Variants in ERC2 observed in about 807,000 individuals in gnomAD.
The protein encoded by ERC2 is ERC protein 2.
A neutral mutation model predicts 114.8 loss-of-function variants in ERC2; 42 were observed. The observed-to-expected ratio is 0.37, with a 90% confidence interval of 0.29 to 0.47. The LOEUF (loss-of-function observed/expected upper bound fraction) is 0.47. Among genes scored for constraint, ERC2 ranks in the 20% least tolerant of loss-of-function variants. The pLI is 0.99. For missense variants in ERC2, 939 were observed against 1,150.7 expected (o/e 0.82, Z 2.66); for synonymous variants, 454 against 425.5 (o/e 1.07, Z -0.82).
chr3:56,325,626 C>T (rs2057327423), intron 2 of ERC2, among the ~76,000 whole-genome samples: 4 of 152,036 alleles, frequency 2.6e-5, no homozygotes. Flanking sequence ...GAAGTTGTAA[C>T]CTCTATAAAG....
At chr3:55,810,811 G>A (rs1003751782) in intron 14 of ERC2, among the ~76,000 whole-genome samples, 1 of 152,112 alleles carries the variant, frequency 6.6e-6, no homozygotes, top group Non-Finnish European at 1.5e-5. Context: ...ACCTTAATGG[G>A]TATATTGTTG....
intron 12 of ERC2, among the ~76,000 whole-genome samples, chr3:55,962,191 G>T (rs868732947): frequency 1.2e-4 from 19 of 152,192 alleles, no homozygotes; most frequent in Admixed American, 2.6e-4. Context: ...TTCAACAGAT[G>T]ATTTTTAAAA....
At chr3:55,766,221 G>A (rs1204621128) in intron 14 of ERC2, among the ~76,000 whole-genome samples, 2 of 151,296 alleles carry the variant, frequency 1.3e-5, no homozygotes, top group African/African-American at 4.9e-5. Context: ...TTGGAGAGGG[G>A]GCATCTGCCC....
At chr3:55,859,490 A>C (rs1575884868) in intron 14 of ERC2, among the ~76,000 whole-genome samples, 1 of 152,034 alleles carries the variant, frequency 6.6e-6, no homozygotes, top group Non-Finnish European at 1.5e-5. Flanking sequence ...CAGGCTCCCT[A>C]CCAGCCAGCC....
chr3:56,064,929 A>G (rs1214692905), intron 7 of ERC2, among the ~76,000 whole-genome samples: 3 of 152,222 alleles, frequency 2.0e-5, no homozygotes, highest in Admixed American at 2.0e-4. Flanking sequence ...TACTCAATCT[A>G]TTACATTTCA....
chr3:56,466,048 A>C (rs2063529690), intron 1 of ERC2, among the ~76,000 whole-genome samples: 3 of 152,260 alleles, frequency 2.0e-5, no homozygotes, highest in Non-Finnish European at 4.4e-5. Context: ...AATTCCTTCT[A>C]GTTACTCATC....
At chr3:55,752,761 C>T (rs1408700373) in intron 14 of ERC2, among the ~76,000 whole-genome samples, 1 of 61,426 alleles carries the variant, frequency 1.6e-5, no homozygotes, top group African/African-American at 1.1e-4. Context: ...AGTAGAGATT[C>T]GAACCCGGGT....
intron 14 of ERC2, among the ~76,000 whole-genome samples, chr3:55,818,862 TC>T (rs2060002685): frequency 6.6e-6 from 1 of 152,234 alleles, no homozygotes; most frequent in Admixed American, 6.5e-5. Flanking sequence ...TTTAATATTT[TC>T]TAATGGAAAG....
At chr3:56,075,410 T>G (rs1402209623) in intron 7 of ERC2, among the ~76,000 whole-genome samples, 1 of 152,162 alleles carries the variant, frequency 6.6e-6, no homozygotes, top group Non-Finnish European at 1.5e-5. Flanking sequence ...CTTCTCTTGG[T>G]CTCTTAGGGC....
intron 12 of ERC2, among the ~76,000 whole-genome samples, chr3:55,973,595 C>T (rs1216473297): frequency 2.6e-5 from 4 of 152,192 alleles, no homozygotes; most frequent in Non-Finnish European, 4.4e-5. Flanking sequence ...TCCAGAGTGA[C>T]CTTGAGCAGA....
chr3:56,387,746 T>C (rs1248545278), intron 2 of ERC2, among the ~76,000 whole-genome samples: 1 of 152,174 alleles, frequency 6.6e-6, no homozygotes, highest in Non-Finnish European at 1.5e-5. Context: ...CTTTCACCTC[T>C]TTCTTTTCCA....
intron 1 of ERC2, among the ~76,000 whole-genome samples, chr3:56,461,724 A>C (rs1173369424): frequency 6.6e-6 from 1 of 152,200 alleles, no homozygotes; most frequent in African/African-American, 2.4e-5. Context: ...GTCATTTTAG[A>C]GCAGTGGCCT....
In ERC2 at chr3:56,169,819, A is replaced by AC. The variant is rs1345359824; in HGVS notation, c.1149+3626_1149+3627insG. Among the ~76,000 whole-genome samples, 827 of 137,304 alleles carry AC rather than the reference A, an allele frequency of 6.0e-3. 6 individuals carry two copies. Among genetic ancestry groups the AC allele is most frequent in the African/African-American group, 0.019 (762 of 41,010 alleles). The allele number at this position is 137,304 out of a possible 152,430, so 90.1% of individuals were successfully genotyped here. A position where few individuals can be genotyped will look rare whatever the true frequency, so the allele number is the denominator to read the frequency against. On this transcript the variant is annotated intron_variant, in intron 4 of 17. Transcript: ENST00000288221. The stretch of plus-strand genomic sequence containing the variant: ...GTCATTCATTTTCTTAAAAAAAAAA[A>AC]AAAACAAATGGCTTTATGAATGACC...
intron 17 of ERC2, among the ~76,000 whole-genome samples, chr3:55,528,248 C>T (rs1042939611): frequency 4.6e-5 from 7 of 152,126 alleles, no homozygotes; most frequent in Non-Finnish European, 7.4e-5. Flanking sequence ...CCAGAGGGAG[C>T]GGAAATGAAG....
At chr3:56,141,259 T>C (rs9826467) in intron 5 of ERC2, among the ~76,000 whole-genome samples, 3,497 of 152,270 alleles carry the variant, frequency 0.023, 157 homozygotes, top group African/African-American at 0.08. Flanking sequence ...CAACTAGAGC[T>C]GAAGTTTATT....
intron 17 of ERC2, among the ~76,000 whole-genome samples, chr3:55,529,896 T>C (rs2053564671): frequency 6.6e-6 from 1 of 152,168 alleles, no homozygotes; most frequent in African/African-American, 2.4e-5. Context: ...AGTCCCAATA[T>C]TGCCAAACTC....
chr3:55,905,564 T>A (rs1186636437), intron 13 of ERC2, among the ~76,000 whole-genome samples: 1 of 148,546 alleles, frequency 6.7e-6, no homozygotes, highest in African/African-American at 2.5e-5. Context: ...GCCAAAACCC[T>A]ACAACAGAGC....
At chr3:56,165,558 C>G (rs913500068) in intron 4 of ERC2, among the ~76,000 whole-genome samples, 1 of 149,556 alleles carries the variant, frequency 6.7e-6, no homozygotes, top group Non-Finnish European at 1.5e-5. Context: ...TTTATCCACC[C>G]TACTGCTGAC....
chr3:55,837,489 C>T (rs9755858), intron 14 of ERC2, among the ~76,000 whole-genome samples: 53,665 of 151,302 alleles, frequency 0.35, 11,783 homozygotes, highest in African/African-American at 0.62. Flanking sequence ...TCATTCTCAG[C>T]AAACTGTCGC....
Sources: allele counts gnomAD v4.1 joint callset (sites outside exome capture counted in the v4.1 genomes callset), GRCh38; gene constraint gnomAD v4.1.1; transcripts MANE v1.5; gene names NCBI Gene and HGNC (gene_info 2026-07-23, HGNC 2026-07-21).